Variants in KHDRBS3 observed in about 807,000 individuals in gnomAD.
KHDRBS3 encodes the protein KH RNA binding domain containing, signal transduction associated 3, also known as KH domain-containing, RNA-binding, signal transduction-associated protein 3.
Under a neutral mutation model 45.6 loss-of-function variants are expected in KHDRBS3, and 23 were observed. The ratio of observed to expected loss-of-function variants is 0.50; its 90% CI spans 0.36 to 0.72. The LOEUF (loss-of-function observed/expected upper bound fraction) is 0.72, where lower values mean the gene tolerates loss of function less well. KHDRBS3 is among the 30% of genes least tolerant of loss of function. The pLI is 0.00. For missense variants in KHDRBS3, 352 were observed against 424.8 expected, an observed-to-expected ratio of 0.83 and a Z score of 1.51; for synonymous variants, 162 against 156.5, an observed-to-expected ratio of 1.04 and a Z score of -0.26.
At chr8:135,478,195 C>T (rs982996635) in intron 1 of KHDRBS3, among the ~76,000 whole-genome samples, 24 of 152,146 alleles carry the variant, frequency 1.6e-4, no homozygotes, top group Admixed American at 1.4e-3. Flanking sequence ...GGAAAAGGAT[C>T]GGAGCCTCTA....
chr8:135,655,124 GGTTA>G (rs1270977160), intron 4 of KHDRBS3, among the ~76,000 whole-genome samples: 19 of 152,180 alleles, frequency 1.2e-4, no homozygotes, highest in African/African-American at 4.6e-4. Flanking sequence ...AATATTTATT[GGTTA>G]ATTAAGGCAA....
intron 7 of KHDRBS3, among the ~76,000 whole-genome samples, chr8:135,632,978 T>C (rs990453913): frequency 6.6e-6 from 1 of 152,172 alleles, no homozygotes; most frequent in Non-Finnish European, 1.5e-5. Flanking sequence ...GATGATACCT[T>C]ATTAGAGAGA....
chr8:135,570,891 AT>A (rs1231274275), intron 5 of KHDRBS3, among the ~76,000 whole-genome samples: 1 of 152,178 alleles, frequency 6.6e-6, no homozygotes, highest in African/African-American at 2.4e-5. Flanking sequence ...GCACTTTCTG[AT>A]GGTGTGTTAA....
intron 3 of KHDRBS3, among the ~76,000 whole-genome samples, chr8:135,544,302 C>T (rs1172896626): frequency 6.6e-6 from 1 of 152,064 alleles, no homozygotes; most frequent in African/African-American, 2.4e-5. Context: ...TCAGGGCATC[C>T]ACAAGAATTT....
chr8:135,576,965 C>T (rs1431102882), intron 5 of KHDRBS3, among the ~76,000 whole-genome samples: 3 of 152,210 alleles, frequency 2.0e-5, no homozygotes, highest in South Asian at 2.1e-4. Context: ...TCCACTCCAC[C>T]GTGAGAAACT....
intron 7 of KHDRBS3, among the ~76,000 whole-genome samples, chr8:135,629,823 T>C (rs538969787): frequency 2.0e-5 from 3 of 152,354 alleles, no homozygotes; most frequent in Non-Finnish European, 4.4e-5. Flanking sequence ...CTTCGCCTGA[T>C]AGGAGAGCAA....
intron 1 of KHDRBS3, among the ~76,000 whole-genome samples, chr8:135,510,034 CAGTAGTGCAGGCAT>C (rs1824199162): frequency 6.8e-6 from 1 of 147,376 alleles, no homozygotes; most frequent in Admixed American, 6.8e-5. Context: ...GGCTGGAGCG[CAGTAGTGCAGGCAT>C]AGGTCACTAC....
At chr8:135,576,053 A>G (rs886846476) in intron 5 of KHDRBS3, among the ~76,000 whole-genome samples, 5 of 152,202 alleles carry the variant, frequency 3.3e-5, no homozygotes, top group South Asian at 2.1e-4. Context: ...ATGTTTCTCA[A>G]TTGGGATTTG....
intron 1 of KHDRBS3, among the ~76,000 whole-genome samples, chr8:135,463,746 T>C (rs1821551354): frequency 6.6e-6 from 1 of 152,156 alleles, no homozygotes. Context: ...AGAGGAGCGA[T>C]TGAAACCGCA....
At chr8:135,580,515 T>G (rs567032712) in intron 5 of KHDRBS3, among the ~76,000 whole-genome samples, 1 of 152,222 alleles carries the variant, frequency 6.6e-6, no homozygotes, top group East Asian at 1.9e-4. Flanking sequence ...AAAAAATGTG[T>G]GAGCTTGGAG....
intron 6 of KHDRBS3, among the ~76,000 whole-genome samples, chr8:135,600,906 G>A (rs1829181600): frequency 6.6e-6 from 1 of 152,250 alleles, no homozygotes; most frequent in Middle Eastern, 3.4e-3. Context: ...TCTCCGTGTT[G>A]CCTAGGCTGG....
At chr8:135,557,689 C>T (rs1297704893) in intron 5 of KHDRBS3, 102 bp downstream of exon 5, 3 of 865,120 alleles carry the variant, frequency 3.5e-6, no homozygotes, top group Non-Finnish European at 5.6e-6. Context: ...AACTTGTATT[C>T]ATGTGGGCAT....
At position 135,582,449 on chromosome 8, in the gene KHDRBS3, C is replaced by T. The variant is rs138259067; in HGVS notation, c.807+376C>T. 6.6e-5 allele frequency among the ~76,000 whole-genome samples: 10 copies of T among 152,274 alleles called. No homozygotes were observed. The East Asian group carries it at 1.2e-3, about 18-fold the overall frequency. On this transcript the variant is annotated intron_variant, in intron 6 of 8. Transcript: ENST00000355849. The stretch of plus-strand genomic sequence containing the variant: ...TGCCTGCGTATACCAAGATGGTTTC[C>T]GCCTTAACTGTTTCCTTTTAAGCTA...
At chr8:135,655,293 A>ATTCTT (rs1831509514) in intron 4 of KHDRBS3, among the ~76,000 whole-genome samples, 1 of 152,208 alleles carries the variant, frequency 6.6e-6, no homozygotes, top group Non-Finnish European at 1.5e-5. Context: ...TGCAGCAATA[A>ATTCTT]AAGGCTAGAG....
At chr8:135,561,226 T>G in intron 5 of KHDRBS3, among the ~76,000 whole-genome samples, 1 of 152,232 alleles carries the variant, frequency 6.6e-6, no homozygotes, top group East Asian at 1.9e-4. Context: ...CATTATTACC[T>G]TCAAGTCTGA....
chr8:135,642,587 G>A (rs1481466431), intron 7 of KHDRBS3, among the ~76,000 whole-genome samples: 5 of 152,142 alleles, frequency 3.3e-5, no homozygotes, highest in Non-Finnish European at 5.9e-5. Flanking sequence ...CTGTAGTAGT[G>A]ACTATTCTGT....
intron 5 of KHDRBS3, among the ~76,000 whole-genome samples, chr8:135,574,341 C>G (rs1827854137): frequency 6.6e-6 from 1 of 152,136 alleles, no homozygotes; most frequent in Non-Finnish European, 1.5e-5. Flanking sequence ...ACCTAAAAAA[C>G]TAATTTTCAA....
chr8:135,517,173 T>C (rs998505738), intron 1 of KHDRBS3, among the ~76,000 whole-genome samples: 2 of 152,236 alleles, frequency 1.3e-5, no homozygotes, highest in Admixed American at 6.5e-5. Context: ...TTTAATCCCC[T>C]ACATTATCTA....
chr8:135,615,770 T>C (rs937370312), intron 7 of KHDRBS3, among the ~76,000 whole-genome samples: 1 of 152,220 alleles, frequency 6.6e-6, no homozygotes, highest in Non-Finnish European at 1.5e-5. Context: ...ACAGGATAGA[T>C]GGCAAGTATA....
Sources: allele counts gnomAD v4.1 joint callset (sites outside exome capture counted in the v4.1 genomes callset), GRCh38; gene constraint gnomAD v4.1.1; transcripts MANE v1.5; gene names NCBI Gene and HGNC (gene_info 2026-07-23, HGNC 2026-07-21).